Variants in DMC1 observed in about 807,000 individuals in gnomAD.
DMC1 encodes the protein meiotic recombination protein DMC1 homolog.
A neutral mutation model predicts 50.1 loss-of-function variants in DMC1; 27 were observed. The ratio of observed to expected loss-of-function variants is 0.54; its 90% confidence interval spans 0.40 to 0.74. DMC1 has a LOEUF of 0.74. Ranked by LOEUF, DMC1 falls within the 30% of genes least tolerant of loss-of-function variation. The pLI is 0.00. For synonymous variants in DMC1, 148 were observed against 136.1 expected, an observed-to-expected ratio of 1.09 and a Z score of -0.61; for missense variants, 295 against 420.2, an observed-to-expected ratio of 0.70 and a Z score of 2.60.
chr22:38,528,063 ATT>A (rs913046899), intron 12 of DMC1, among the ~76,000 whole-genome samples: 17 of 139,868 alleles, frequency 1.2e-4, no homozygotes, highest in African/African-American at 1.6e-4. Flanking sequence ...TATATATTGA[ATT>A]TTTTTTTTTT....
At position 38,538,445 on chromosome 22, in the gene DMC1, G is replaced by C. The variant is rs1378634267; in HGVS notation, c.661-36C>G. 9 of 1,607,022 alleles carry C rather than the reference G, an allele frequency of 5.6e-6. No homozygotes were observed. In the South Asian group the frequency reaches 9.9e-5, roughly 18 times the overall value. ...TTAATGTAAAAATAAACATGCATTT[G>C]GAAATTGAAGGAAGACGTTATTTGA... On this transcript the variant is annotated intron_variant, in intron 10 of 13. Coordinates refer to ENST00000216024, the MANE Select transcript of DMC1 (RefSeq NM_007068.4).
At chr22:38,568,093 TA>T in intron 2 of DMC1, 112 bp downstream of exon 2, 6 of 944,358 alleles carry the variant, frequency 6.4e-6, no homozygotes, top group Non-Finnish European at 8.5e-6. Flanking sequence ...TTGCAATATA[TA>T]ACTATGTGTT....
At chr22:38,539,748 G>A (rs1383112647) in intron 8 of DMC1, among the ~76,000 whole-genome samples, 2 of 152,126 alleles carry the variant, frequency 1.3e-5, no homozygotes, top group Admixed American at 6.6e-5. Context: ...CAGAGATTAG[G>A]CAAATGACTT....
chr22:38,568,526 G>A (rs1015585777), intron 1 of DMC1: 1 of 513,294 alleles, frequency 1.9e-6, no homozygotes, highest in Non-Finnish European at 3.5e-6. Context: ...GCAAATTGGG[G>A]GGTGCTTATT....
intron 8 of DMC1, among the ~76,000 whole-genome samples, chr22:38,546,547 T>A (rs2090346825): frequency 6.6e-6 from 1 of 152,186 alleles, no homozygotes; most frequent in South Asian, 2.1e-4. Flanking sequence ...CATTTCACCC[T>A]CCTTCCCCAA....
chr22:38,560,430 A>G (rs1432886971), intron 5 of DMC1, among the ~76,000 whole-genome samples: 1 of 151,996 alleles, frequency 6.6e-6, no homozygotes, highest in East Asian at 1.9e-4. Context: ...GAGAGGGGGA[A>G]TCATCAGGGT....
rs757284689 is a variant in DMC1, at chr22:38,566,534, A to G, written c.243+56T>C. 3.9e-4 allele frequency: 628 copies of G among 1,597,854 alleles called. 2 individuals are homozygous for G. The highest frequency in any genetic ancestry group is 1.8e-3 in the Middle Eastern group (11 of 6,012). ...ATTTCTAGTTTTCATGAGAAAGCCT[A>G]TAAAGATTCACAAGGCCCTGCCAAG... On this transcript the variant is annotated intron_variant, in intron 4 of 13. Coordinates refer to ENST00000216024, the MANE Select transcript of DMC1 (RefSeq NM_007068.4).
intron 12 of DMC1, among the ~76,000 whole-genome samples, chr22:38,522,419 G>A (rs1382837538): frequency 6.6e-6 from 1 of 152,048 alleles, no homozygotes; most frequent in East Asian, 2.0e-4. Flanking sequence ...GCCAGGTGTG[G>A]TGGCGTGTGC....
At chr22:38,522,889 T>G (rs5750616) in intron 12 of DMC1, among the ~76,000 whole-genome samples, 27,919 of 152,096 alleles carry the variant, frequency 0.18, 3,227 homozygotes, top group East Asian at 0.35. Flanking sequence ...AAACTGCTAC[T>G]TGATTAAATG....
Position 38,562,268 on chromosome 22 carries a change from A to G in DMC1, c.326+19T>C, listed in dbSNP as rs2090535341. On this transcript the variant is annotated intron_variant, in intron 5 of 13. Transcript: ENST00000216024. ...TCCAAAGATTATGCTTAGTGATTATAAAAAAGTAAGATACATACTCAAATT... is the reference window on the plus strand; with the variant it reads ...TCCAAAGATTATGCTTAGTGATTATGAAAAAGTAAGATACATACTCAAATT... The G allele has an allele frequency of 2.0e-6, 3 of 1,538,310 alleles. No individual in the cohort carries two copies. The African/African-American group carries it at 4.1e-5, about 21-fold the overall frequency.
At chr22:38,526,228 G>T (rs769530840) in intron 12 of DMC1, among the ~76,000 whole-genome samples, 5 of 151,036 alleles carry the variant, frequency 3.3e-5, no homozygotes, top group African/African-American at 7.3e-5. Flanking sequence ...TTTTTGAGAC[G>T]GAGTCTTGCT....
At chr22:38,555,089 C>CAAA (rs56405720) in intron 6 of DMC1, among the ~76,000 whole-genome samples, 1 of 87,712 alleles carries the variant, frequency 1.1e-5, no homozygotes. Context: ...GACTCCGTCT[C>CAAA]AAAAAAAAAA....
At chr22:38,562,711 C>A (rs933339266) in intron 4 of DMC1, among the ~76,000 whole-genome samples, 4 of 151,804 alleles carry the variant, frequency 2.6e-5, no homozygotes, top group Admixed American at 6.6e-5. Context: ...CACACACACA[C>A]ATATGTATAC....
At position 38,567,595 on chromosome 22, in the gene DMC1, C is replaced by T. The variant is rs761195354; in HGVS notation, c.84G>A (p.Gln28=). 6.2e-6 allele frequency: 10 copies of T among 1,610,302 alleles called. 1 individual carries two copies. The East Asian group carries it at 2.0e-4, about 32-fold the overall frequency. ...ESLFQDIDLL[Q]KHGINVADIK... ...AAAAACTACTTACAATTCCATGTTT[C>T]TGTAACAGGTCAATATCTTGAAACA... Residue 28 remains glutamine, a synonymous_variant, in exon 3 of 14, where the codon CAG becomes CAA. Transcript: ENST00000216024.
chr22:38,564,323 C>A (rs1394092300), intron 4 of DMC1, among the ~76,000 whole-genome samples: 1 of 150,468 alleles, frequency 6.6e-6, no homozygotes, highest in Admixed American at 6.6e-5. Flanking sequence ...CTTTTTTTTT[C>A]TTTTGAGACA....
rs1291575410 is a variant in DMC1 at position 38,566,494 on chromosome 22, T to G, written c.243+96A>C. 2.2e-6 allele frequency: 3 copies of G among 1,368,476 alleles called. No homozygotes were observed. The East Asian group carries it at 7.1e-5, about 32-fold the overall frequency. The allele number at this position is 1,368,476 out of a possible 1,614,324, so 84.8% of individuals were successfully genotyped here. On this transcript the variant is annotated intron_variant, in intron 4 of 13. Transcript: ENST00000216024. The stretch of plus-strand genomic sequence containing the variant: ...ATAATATACTGTGATCTACAGGAAC[T>G]CAGTTCCCACAATAATTTCTAGTTT...
At chr22:38,525,770 A>G (rs2090081212) in intron 12 of DMC1, among the ~76,000 whole-genome samples, 1 of 152,046 alleles carries the variant, frequency 6.6e-6, no homozygotes, top group Non-Finnish European at 1.5e-5. Context: ...GTAAAACCCC[A>G]TCTCTACAAA....
chr22:38,553,956 C>CA (rs35690372), intron 6 of DMC1, among the ~76,000 whole-genome samples: 3,049 of 34,726 alleles, frequency 0.088, 391 homozygotes, highest in African/African-American at 0.16. Flanking sequence ...ACTCCATCTC[C>CA]AAAAAAAAAA....
downstream of DMC1, among the ~76,000 whole-genome samples, chr22:38,517,718 G>A (rs1181126146): frequency 6.6e-6 from 1 of 152,100 alleles, no homozygotes; most frequent in Non-Finnish European, 1.5e-5. Flanking sequence ...ATTTGCATAC[G>A]AAAATAAGCC....
Sources: gnomAD v4.1 joint callset for allele counts (sites outside exome capture counted in the v4.1 genomes callset) on GRCh38, gnomAD v4.1.1 for gene constraint, MANE v1.5 for transcripts, NCBI Gene and HGNC (gene_info 2026-07-23, HGNC 2026-07-21) for gene names.